The following USP32 variants were observed in gnomAD, a reference collection of about 807,000 sequenced individuals.
The protein encoded by USP32 is ubiquitin specific peptidase 32.
A neutral mutation model predicts 204.8 loss-of-function variants in USP32; 59 were observed. The observed-to-expected ratio is 0.29, with a 90% CI of 0.23 to 0.36. USP32 has a LOEUF of 0.36. USP32 is among the 10% of genes least tolerant of loss of function. The pLI is 1.00. For synonymous variants in USP32, 517 were observed against 678.4 expected (o/e 0.76, Z 3.70); for missense variants, 1,160 against 1,946.4 (o/e 0.60, Z 7.60).
Position 60,223,590 on chromosome 17 carries a change from T to TA in USP32, c.1433-5dup, listed in dbSNP as rs747658578. 29,703 of 1,066,052 alleles carry TA rather than the reference T, an allele frequency of 0.028. No individual in the cohort carries two copies. Among genetic ancestry groups the TA allele is most frequent in the East Asian group, 0.037 (1,060 of 28,554 alleles). The allele number at this position is 1,066,052 out of a possible 1,614,324, so 66.0% of individuals were successfully genotyped here. A position where few individuals can be genotyped will look rare whatever the true frequency, so the allele number is the denominator to read the frequency against. ...GGTGTGGCAGAATACAGAAAGCCTA[T>TA]AAAAAAAAAAGAGGATAGAATCTCT... On this transcript the variant is annotated splice_polypyrimidine_tract_variant and splice_region_variant and intron_variant, in intron 13 of 33. Transcript: ENST00000300896.
rs533970923 is a variant in USP32 at position 60,305,683 on chromosome 17, TG to T, written c.187-3980del. 7.9e-5 allele frequency among the ~76,000 whole-genome samples: 12 copies of T among 152,366 alleles called. No individual in the cohort carries two copies. In the East Asian group the frequency reaches 2.3e-3, roughly 29 times the overall value. On this transcript the variant is annotated intron_variant, in intron 2 of 33. Coordinates refer to ENST00000300896, the MANE Select transcript of USP32 (RefSeq NM_032582.4). ...ATTCAATTTATAAACACTGAGTTTTTGGCATCCCTTTCCATTCACTGTATCT... is the reference window on the plus strand; with the variant it reads ...ATTCAATTTATAAACACTGAGTTTTTGCATCCCTTTCCATTCACTGTATCT...
chr17:60,420,908 T>C (rs1045565279), intron 1 of USP32, among the ~76,000 whole-genome samples: 1 of 152,216 alleles, frequency 6.6e-6, no homozygotes, highest in Non-Finnish European at 1.5e-5. Context: ...ATATTTCATG[T>C]TTTTATGAAT....
At chr17:60,271,608 C>A (rs59653547) in intron 5 of USP32, 127 bp from the exon 6 acceptor site, 5 of 936,156 alleles carry the variant, frequency 5.3e-6, no homozygotes, top group Non-Finnish European at 7.3e-6. Context: ...AAAATAATCA[C>A]GACCAAAAAC....
intron 5 of USP32, among the ~76,000 whole-genome samples, chr17:60,272,134 C>T (rs1426512386): frequency 6.6e-6 from 1 of 152,126 alleles, no homozygotes; most frequent in Non-Finnish European, 1.5e-5. Context: ...TATTTTCAAT[C>T]TCTATCTTGG....
intron 1 of USP32, among the ~76,000 whole-genome samples, chr17:60,413,177 C>A (rs1225580297): frequency 6.6e-6 from 1 of 152,276 alleles, no homozygotes; most frequent in African/African-American, 2.4e-5. Flanking sequence ...TGGAGAGATG[C>A]TCATGACTTA....
intron 2 of USP32, among the ~76,000 whole-genome samples, chr17:60,322,522 G>T (rs984167185): frequency 1.6e-4 from 25 of 151,970 alleles, no homozygotes; most frequent in African/African-American, 6.0e-4. Context: ...GTAATAAATA[G>T]ATGTAATTTC....
At chr17:60,252,780 C>T (rs2086201535) in intron 10 of USP32, among the ~76,000 whole-genome samples, 2 of 152,088 alleles carry the variant, frequency 1.3e-5, no homozygotes, top group Admixed American at 1.3e-4. Context: ...TTTTAAATAA[C>T]CAAAACACTC....
chr17:60,413,918 G>A (rs1239403957), intron 1 of USP32, among the ~76,000 whole-genome samples: 1 of 148,800 alleles, frequency 6.7e-6, no homozygotes, highest in African/African-American at 2.5e-5. Flanking sequence ...TGGTTCATGA[G>A]TGTGACCTTC....
In USP32 at chr17:60,194,049, A is replaced by AT. The variant is rs1045307955; in HGVS notation, c.3435-1120dup. ...CCTGCTCCCCCTGCAGACTTTTTCC[A>AT]TTTTTTTTTTTGAGACAGGGTATCA... On this transcript the variant is annotated intron_variant, in intron 27 of 33. Coordinates refer to ENST00000300896, the MANE Select transcript of USP32 (RefSeq NM_032582.4). 3.7e-3 allele frequency among the ~76,000 whole-genome samples: 532 copies of AT among 145,664 alleles called. 1 individual carries two copies. The highest frequency in any genetic ancestry group is 0.01 in the African/African-American group (404 of 39,928).
intron 2 of USP32, among the ~76,000 whole-genome samples, chr17:60,326,239 T>C (rs1247624935): frequency 2.0e-5 from 3 of 152,018 alleles, no homozygotes; most frequent in Non-Finnish European, 4.4e-5. Flanking sequence ...AAATCAAAGA[T>C]TGCATTTCAT....
intron 2 of USP32, among the ~76,000 whole-genome samples, chr17:60,344,374 C>T (rs372061701): frequency 1.3e-5 from 2 of 152,002 alleles, no homozygotes; most frequent in African/African-American, 4.8e-5. Flanking sequence ...GTGATTCACC[C>T]GCCTCGGCCT....
chr17:60,357,216 C>T (rs144997344), intron 1 of USP32, among the ~76,000 whole-genome samples: 250 of 152,286 alleles, frequency 1.6e-3, no homozygotes, highest in Non-Finnish European at 3.0e-3. Context: ...TCTGAGTGGT[C>T]CAGGTGGGAG....
chr17:60,211,142 G>T, intron 20 of USP32, 24 bp from the exon 21 acceptor site: 1 of 1,604,102 alleles, frequency 6.2e-7, no homozygotes, highest in Non-Finnish European at 8.5e-7. Flanking sequence ...AGGAAAATTT[G>T]TTGCCAAAGA....
At chr17:60,233,263 C>T (rs1052779785) in intron 12 of USP32, among the ~76,000 whole-genome samples, 5 of 152,172 alleles carry the variant, frequency 3.3e-5, no homozygotes, top group South Asian at 4.1e-4. Flanking sequence ...CCCAGGAGTT[C>T]GAGACTAGCC....
chr17:60,265,365 TAC>T, intron 9 of USP32, 45 bp downstream of exon 9: 1 of 1,302,296 alleles, frequency 7.7e-7, no homozygotes, highest in Non-Finnish European at 1.1e-6. Flanking sequence ...CCAAATGGAG[TAC>T]ATGATATTTT....
intron 2 of USP32, among the ~76,000 whole-genome samples, chr17:60,329,682 T>C (rs1473856186): frequency 6.6e-6 from 1 of 152,142 alleles, no homozygotes; most frequent in African/African-American, 2.4e-5. Context: ...CAAAGGAGCC[T>C]TTTCTATGCA....
intron 11 of USP32, among the ~76,000 whole-genome samples, chr17:60,244,872 T>A (rs1240452539): frequency 6.6e-6 from 1 of 152,222 alleles, no homozygotes; most frequent in Admixed American, 6.5e-5. Context: ...CTTCAAGAGA[T>A]CCGCCTGCCT....
intron 1 of USP32, among the ~76,000 whole-genome samples, chr17:60,415,208 A>G (rs1291754253): frequency 6.6e-6 from 1 of 152,046 alleles, no homozygotes; most frequent in African/African-American, 2.4e-5. Flanking sequence ...TCCACTGGGG[A>G]GGGCTGGATG....
intron 1 of USP32, among the ~76,000 whole-genome samples, chr17:60,354,822 G>C (rs995646423): frequency 4.6e-5 from 7 of 152,178 alleles, no homozygotes; most frequent in African/African-American, 1.7e-4. Flanking sequence ...GAGGCAGGCA[G>C]ATCGCTTAAG....
Sources: allele counts gnomAD v4.1 joint callset (sites outside exome capture counted in the v4.1 genomes callset), GRCh38; gene constraint gnomAD v4.1.1; transcripts MANE v1.5; gene names NCBI Gene and HGNC (gene_info 2026-07-23, HGNC 2026-07-21).